FANCA: variants seen among roughly 807,000 people sequenced by gnomAD.
The protein encoded by FANCA is FA complementation group A.
Under a neutral mutation model 194.3 loss-of-function variants are expected in FANCA, and 236 were observed. The ratio of observed to expected loss-of-function variants is 1.21; its 90% CI spans 1.09 to 1.35. FANCA has a LOEUF of 1.35. Ranked by LOEUF, FANCA falls within the 40% of genes most tolerant of loss-of-function variation. FANCA has a pLI of 0.00. For synonymous variants in FANCA, 1,014 were observed against 715.8 expected, an observed-to-expected ratio of 1.42 and a Z score of -6.65; for missense variants, 2,628 against 1,813.9, an observed-to-expected ratio of 1.45 and a Z score of -8.15.
chr16:89,740,221 G>C, intron 38 of FANCA, 122 bp from the exon 39 acceptor site: 2 of 863,550 alleles, frequency 2.3e-6, no homozygotes, highest in East Asian at 2.4e-5. Context: ...CTTAAAACTG[G>C]TGACAGTTTT....
Position 89,749,881 on chromosome 16 carries a change from G to C in FANCA, c.3088C>G (p.Leu1030Val), listed in dbSNP as rs757670850. Residue 1030 changes from leucine to valine, a missense_variant, in exon 32 of 43, where the codon CTG becomes GTG. Coordinates refer to ENST00000389301, the MANE Select transcript of FANCA (RefSeq NM_000135.4). ...RLQEMVADLE[L>V]QQDLIVPLGH... Reference sequence around the variant, plus strand: ...AGAGGCACTATGAGGTCTTGCTGCAGCTCCAGGTCAGCTACCATCTCCTGA... The same window carrying C: ...AGAGGCACTATGAGGTCTTGCTGCACCTCCAGGTCAGCTACCATCTCCTGA... 6.2e-7 allele frequency: 1 copy of C among 1,614,044 alleles called. No individual in the cohort carries two copies. Among genetic ancestry groups the C allele is most frequent in the Non-Finnish European group, 8.5e-7 (1 of 1,180,042 alleles).
At chr16:89,754,307 A>C (rs565978129) in intron 30 of FANCA, among the ~76,000 whole-genome samples, 2 of 151,872 alleles carry the variant, frequency 1.3e-5, no homozygotes, top group East Asian at 1.9e-4. Flanking sequence ...CAAGAAAAAG[A>C]AAAAGCATCC....
chr16:89,774,428 G>A (rs2039425001), intron 21 of FANCA, among the ~76,000 whole-genome samples: 2 of 152,048 alleles, frequency 1.3e-5, no homozygotes, highest in African/African-American at 4.8e-5. Flanking sequence ...CAACTGAGAG[G>A]TCATGCTCTC....
intron 21 of FANCA, among the ~76,000 whole-genome samples, chr16:89,775,260 T>C (rs925053729): frequency 6.6e-6 from 1 of 152,120 alleles, no homozygotes. Context: ...TTTCACGGAT[T>C]CCCAATGAGG....
chr16:89,783,012 G>T lies in FANCA; in HGVS notation c.1561C>A (p.Leu521Ile), dbSNP rs768419751. The change falls in exon 16 of 43, where the codon CTC (leucine) becomes ATC (isoleucine). Residue 521 changes from leucine (L) to isoleucine (I), a missense_variant. Physicochemically the swap from Leu to Ile is conservative, Grantham distance 5. Coordinates refer to ENST00000389301, the MANE Select transcript of FANCA (RefSeq NM_000135.4). Reference sequence around the variant, plus strand: ...GGCATGGAGGGACAGCTTGCCTTGAGGTCGGCCAGCCGTGTCTTGGCCAAT... The same window carrying T: ...GGCATGGAGGGACAGCTTGCCTTGATGTCGGCCAGCCGTGTCTTGGCCAAT... ...ISLAKTRLAD[L>I]KVSIENMGLY... The T allele has an allele frequency of 3.7e-6, 6 of 1,613,890 alleles. No individual in the cohort carries two copies. The highest frequency in any genetic ancestry group is 5.1e-6 in the Non-Finnish European group (6 of 1,179,860).
At position 89,744,926 on chromosome 16, in the gene FANCA, G is replaced by A. The variant is rs376327348; in HGVS notation, c.3626+33C>T. On this transcript the variant is annotated intron_variant, in intron 36 of 42. Coordinates refer to ENST00000389301, the MANE Select transcript of FANCA (RefSeq NM_000135.4). Reference sequence around the variant, plus strand: ...TGAGCAGGTCCCGAAGTGCATCTGGGCGGGCACACCCCATCTCACCACCCA... The same window carrying A: ...TGAGCAGGTCCCGAAGTGCATCTGGACGGGCACACCCCATCTCACCACCCA... The A allele has an allele frequency of 4.4e-6, 7 of 1,592,168 alleles. No individual in the cohort carries two copies. The African/African-American group carries it at 9.4e-5, about 21-fold the overall frequency.
chr16:89,778,294 T>C (rs868866690), intron 20 of FANCA: 2 of 263,466 alleles, frequency 7.6e-6, no homozygotes, highest in Admixed American at 5.3e-5. Flanking sequence ...GGCAAAACCC[T>C]GTCTGTACTA....
chr16:89,803,762 T>C (rs17225936), intron 7 of FANCA, among the ~76,000 whole-genome samples: 4,141 of 151,862 alleles, frequency 0.027, 174 homozygotes, highest in African/African-American at 0.095. Flanking sequence ...GCTGGGAATA[T>C]AGGCGCCGCC....
chr16:89,791,855 C>G (rs1440621303), intron 13 of FANCA, 72 bp downstream of exon 13: 3 of 1,592,932 alleles, frequency 1.9e-6, no homozygotes, highest in Admixed American at 1.7e-5. Context: ...CACCCACAGT[C>G]AGCTGGGACT....
chr16:89,805,461 A>G (rs1444698714), intron 6 of FANCA, 69 bp from the exon 7 acceptor site: 7 of 1,283,466 alleles, frequency 5.5e-6, no homozygotes, highest in South Asian at 2.5e-5. Flanking sequence ...GAGTTGAGCC[A>G]TATGTCCCAA....
chr16:89,791,595 G>T, intron 13 of FANCA, 59 bp from the exon 14 acceptor site: 1 of 1,606,386 alleles, frequency 6.2e-7, no homozygotes, highest in Non-Finnish European at 8.5e-7. Flanking sequence ...GGAACATGAC[G>T]TGAGTTATGC....
At chr16:89,776,556 G>A (rs954131290) in intron 20 of FANCA, among the ~76,000 whole-genome samples, 7 of 152,052 alleles carry the variant, frequency 4.6e-5, no homozygotes, top group East Asian at 3.9e-4. Context: ...GGCCAGGCGC[G>A]GTGGATCCCG....
rs550325451 is a variant in FANCA at position 89,808,065 on chromosome 16, A to C, written c.596+229T>G. Among the ~76,000 whole-genome samples the C allele has an allele frequency of 5.7e-3, 10 of 1,750 alleles. No homozygotes were observed. The South Asian group carries it at 0.18, about 31-fold the overall frequency. The allele number at this position is 1,750 out of a possible 152,430, so 1.1% of individuals were successfully genotyped here. ...AGAGCGAGACTCCGTCTCAAAAAAA[A>C]AACAGACAAAAAGCAAACAAAACCA... On this transcript the variant is annotated intron_variant, in intron 6 of 42. Transcript: ENST00000389301.
chr16:89,768,591 G>C (rs762593498), intron 26 of FANCA, among the ~76,000 whole-genome samples: 3 of 152,014 alleles, frequency 2.0e-5, no homozygotes, highest in Non-Finnish European at 4.4e-5. Context: ...GGGAGGCGGA[G>C]GTTACAGTGA....
At chr16:89,776,952 T>G (rs1007404814) in intron 20 of FANCA, among the ~76,000 whole-genome samples, 1 of 151,766 alleles carries the variant, frequency 6.6e-6, no homozygotes, top group Non-Finnish European at 1.5e-5. Context: ...TGGCTCATAT[T>G]TGTAATCCCA....
intron 37 of FANCA, among the ~76,000 whole-genome samples, chr16:89,742,302 T>G (rs2062153465): frequency 6.6e-6 from 1 of 151,656 alleles, no homozygotes; most frequent in Non-Finnish European, 1.5e-5. Context: ...CAGAAAAAAT[T>G]ACAAAATTAG....
intron 8 of FANCA, among the ~76,000 whole-genome samples, chr16:89,799,941 C>T (rs1489319925): frequency 6.6e-6 from 1 of 152,204 alleles, no homozygotes; most frequent in African/African-American, 2.4e-5. Flanking sequence ...TTCCAGTGAG[C>T]TGAGATAGTG....
chr16:89,794,395 C>G (rs1162538475), intron 11 of FANCA, among the ~76,000 whole-genome samples: 1 of 151,960 alleles, frequency 6.6e-6, no homozygotes, highest in African/African-American at 2.4e-5. Flanking sequence ...ACTCAAAATA[C>G]AAAAAGTAGC....
chr16:89,743,894 T>G (rs2062188355), intron 36 of FANCA, among the ~76,000 whole-genome samples: 2 of 150,336 alleles, frequency 1.3e-5, no homozygotes, highest in Non-Finnish European at 3.0e-5. Context: ...ACTGGAGGTG[T>G]GACCTGCTTT....
Sources: gnomAD v4.1 joint callset for allele counts (sites outside exome capture counted in the v4.1 genomes callset) on GRCh38, gnomAD v4.1.1 for gene constraint, MANE v1.5 for transcripts, NCBI Gene and HGNC (gene_info 2026-07-23, HGNC 2026-07-21) for gene names.